The following SH3RF3 variants were observed in gnomAD, a reference collection of about 807,000 sequenced individuals.
The protein encoded by SH3RF3 is SH3 domain containing ring finger 3.
Under a neutral mutation model 66.3 loss-of-function variants are expected in SH3RF3, and 29 were observed. The ratio of observed to expected loss-of-function variants is 0.44; its 90% confidence interval spans 0.33 to 0.60. The LOEUF is 0.60. Ranked by LOEUF, SH3RF3 falls within the 20% of genes least tolerant of loss-of-function variation. SH3RF3 has a pLI of 0.04. For synonymous variants in SH3RF3, 583 were observed against 532.0 expected (o/e 1.10, Z -1.32); for missense variants, 1,194 against 1,190.9 (o/e 1.00, Z -0.04).
chr2:109,466,800 T>C (rs1030825102), intron 8 of SH3RF3, among the ~76,000 whole-genome samples: 3 of 151,916 alleles, frequency 2.0e-5, no homozygotes, highest in Admixed American at 1.3e-4. Flanking sequence ...TGTGTATCTA[T>C]ATGTGTGTAT....
chr2:109,324,650 ATCCTTTCTCCTGGAAC>A (rs539222759), intron 1 of SH3RF3, among the ~76,000 whole-genome samples: 3 of 152,218 alleles, frequency 2.0e-5, no homozygotes, highest in Non-Finnish European at 4.4e-5. Flanking sequence ...GGCGAAGTTG[ATCCTTTCTCCTGGAAC>A]TCCTTTCTCC....
intron 1 of SH3RF3, among the ~76,000 whole-genome samples, chr2:109,279,794 G>A (rs543868640): frequency 3.6e-4 from 55 of 152,200 alleles, no homozygotes; most frequent in Non-Finnish European, 5.9e-4. Flanking sequence ...AGCCAGGCCG[G>A]GCAAGAAGAG....
intron 1 of SH3RF3, among the ~76,000 whole-genome samples, chr2:109,134,939 AC>A (rs1189621602): frequency 6.6e-6 from 1 of 152,198 alleles, no homozygotes; most frequent in African/African-American, 2.4e-5. Flanking sequence ...TATGTAAGTG[AC>A]ATGAACAGGA....
intron 4 of SH3RF3, among the ~76,000 whole-genome samples, chr2:109,410,885 A>G (rs1280334670): frequency 6.6e-6 from 1 of 152,184 alleles, no homozygotes; most frequent in Non-Finnish European, 1.5e-5. Context: ...TAGGATGAAC[A>G]TCTGTCTGAG....
chr2:109,290,456 C>T (rs1681139812), intron 1 of SH3RF3, among the ~76,000 whole-genome samples: 1 of 152,230 alleles, frequency 6.6e-6, no homozygotes. Context: ...GATTTCATTA[C>T]CCGGAATCCT....
intron 6 of SH3RF3, among the ~76,000 whole-genome samples, chr2:109,433,492 G>T (rs1677307278): frequency 6.6e-6 from 1 of 152,238 alleles, no homozygotes; most frequent in African/African-American, 2.4e-5. Flanking sequence ...ACTCACAGAA[G>T]CCCCTCGTGG....
intron 1 of SH3RF3, among the ~76,000 whole-genome samples, chr2:109,177,003 G>A (rs1677931288): frequency 6.6e-6 from 1 of 152,154 alleles, no homozygotes; most frequent in Non-Finnish European, 1.5e-5. Context: ...GCACTGGGGT[G>A]AGCAGGCTTT....
intron 5 of SH3RF3, among the ~76,000 whole-genome samples, chr2:109,426,327 TTG>T (rs1332934986): frequency 6.6e-6 from 1 of 152,196 alleles, no homozygotes; most frequent in Non-Finnish European, 1.5e-5. Flanking sequence ...TTATGAACAT[TTG>T]TGATTCATGG....
intron 1 of SH3RF3, among the ~76,000 whole-genome samples, chr2:109,344,463 T>A (rs933962300): frequency 2.0e-5 from 3 of 152,208 alleles, no homozygotes; most frequent in Non-Finnish European, 4.4e-5. Context: ...TGGGCAGGTA[T>A]GCTGAGGCCA....
At chr2:109,399,929 G>A (rs55841638) in intron 4 of SH3RF3, among the ~76,000 whole-genome samples, 103 of 152,300 alleles carry the variant, frequency 6.8e-4, no homozygotes, top group African/African-American at 2.3e-3. Flanking sequence ...TTCTCCCTGC[G>A]CTGCAGCCTT....
At chr2:109,378,876 CAT>C (rs1683449232) in intron 3 of SH3RF3, among the ~76,000 whole-genome samples, 1 of 152,180 alleles carries the variant, frequency 6.6e-6, no homozygotes, top group Non-Finnish European at 1.5e-5. Context: ...ATAGTTCCCT[CAT>C]ATGAATGCCC....
At chr2:109,147,312 A>G (rs1405304228) in intron 1 of SH3RF3, among the ~76,000 whole-genome samples, 2 of 152,294 alleles carry the variant, frequency 1.3e-5, no homozygotes, top group East Asian at 3.9e-4. Context: ...TCAGAGGCAC[A>G]TCAGGGAACC....
chr2:109,246,529 T>G (rs1463908896), intron 1 of SH3RF3, among the ~76,000 whole-genome samples: 1 of 152,250 alleles, frequency 6.6e-6, no homozygotes, highest in Non-Finnish European at 1.5e-5. Context: ...TTCAGTCCAT[T>G]GCATACTCCA....
chr2:109,137,409 G>C (rs1676838289), intron 1 of SH3RF3, among the ~76,000 whole-genome samples: 1 of 152,238 alleles, frequency 6.6e-6, no homozygotes, highest in Non-Finnish European at 1.5e-5. Context: ...CAGAGAAGCT[G>C]TCTGCTGTTT....
At chr2:109,488,409 G>A (rs971629377) in intron 8 of SH3RF3, among the ~76,000 whole-genome samples, 4 of 152,190 alleles carry the variant, frequency 2.6e-5, no homozygotes, top group African/African-American at 9.6e-5. Flanking sequence ...CAGGCCTCCT[G>A]GGGAGCCAGT....
intron 8 of SH3RF3, among the ~76,000 whole-genome samples, chr2:109,488,187 G>T (rs1296201030): frequency 1.3e-5 from 2 of 152,132 alleles, no homozygotes; most frequent in African/African-American, 4.8e-5. Flanking sequence ...GTGACCTAGG[G>T]ATCCCAGCCT....
intron 2 of SH3RF3, among the ~76,000 whole-genome samples, chr2:109,353,491 C>T (rs1053480011): frequency 1.3e-5 from 2 of 152,158 alleles, no homozygotes; most frequent in Non-Finnish European, 2.9e-5. Flanking sequence ...GGTTGAGACC[C>T]CACCACCGCC....
At chr2:109,186,284 T>A (rs1356664615) in intron 1 of SH3RF3, among the ~76,000 whole-genome samples, 1 of 152,258 alleles carries the variant, frequency 6.6e-6, no homozygotes, top group African/African-American at 2.4e-5. Context: ...ATTCATGTAA[T>A]CCTGACTGCA....
intron 2 of SH3RF3, among the ~76,000 whole-genome samples, chr2:109,353,821 G>A (rs1682889175): frequency 2.0e-5 from 3 of 152,170 alleles, no homozygotes; most frequent in Admixed American, 2.0e-4. Flanking sequence ...GGAGCTGCCG[G>A]CAGTGAGAGG....
Sources: allele counts gnomAD v4.1 joint callset (sites outside exome capture counted in the v4.1 genomes callset), GRCh38; gene constraint gnomAD v4.1.1; transcripts MANE v1.5; gene names NCBI Gene and HGNC (gene_info 2026-07-23, HGNC 2026-07-21).